The following LRP1B variants were observed in gnomAD, a reference collection of about 807,000 sequenced individuals.
LRP1B encodes the protein LDL receptor related protein 1B, also known as low-density lipoprotein receptor-related protein 1B.
In LRP1B, 217 loss-of-function variants were observed where a neutral mutation model predicts 556.6. That is an observed-to-expected ratio of 0.39 (90% CI 0.35 to 0.44). The LOEUF (loss-of-function observed/expected upper bound fraction) is 0.44. Among genes scored for constraint, LRP1B ranks in the 20% least tolerant of loss-of-function variants. The probability of loss-of-function intolerance (pLI) is 1.00; values close to 1 mark genes in which losing one functional copy is unlikely to be tolerated. For missense variants in LRP1B, 5,053 were observed against 5,620.8 expected, an observed-to-expected ratio of 0.90 and a Z score of 3.23; for synonymous variants, 2,047 against 1,865.8, an observed-to-expected ratio of 1.10 and a Z score of -2.50.
chr2:141,407,955 A>C (rs1032874439), intron 3 of LRP1B, among the ~76,000 whole-genome samples: 1 of 152,298 alleles, frequency 6.6e-6, no homozygotes, highest in South Asian at 2.1e-4. Flanking sequence ...AATTCAGAGT[A>C]ATGGCAGAAT....
intron 2 of LRP1B, among the ~76,000 whole-genome samples, chr2:141,599,520 G>A (rs1177848532): frequency 1.3e-5 from 2 of 151,998 alleles, no homozygotes; most frequent in African/African-American, 4.8e-5. Context: ...TAAAACTTTA[G>A]GGTAACCATG....
intron 2 of LRP1B, among the ~76,000 whole-genome samples, chr2:141,803,212 CG>C (rs1449969647): frequency 1.2e-4 from 17 of 137,828 alleles, no homozygotes; most frequent in East Asian, 2.5e-4. Context: ...TGCCTGCAAT[CG>C]ACCTTTTTTT....
chr2:141,023,994 C>T (rs965917930), intron 11 of LRP1B, among the ~76,000 whole-genome samples: 7 of 151,988 alleles, frequency 4.6e-5, no homozygotes, highest in African/African-American at 9.7e-5. Context: ...CTAAGGCCAG[C>T]GATGCCTTAC....
intron 1 of LRP1B, among the ~76,000 whole-genome samples, chr2:141,868,208 G>A: frequency 6.6e-6 from 1 of 152,092 alleles, no homozygotes; most frequent in Non-Finnish European, 1.5e-5. Context: ...GGAAATCTCT[G>A]AACGTTATTA....
intron 1 of LRP1B, among the ~76,000 whole-genome samples, chr2:142,050,997 G>A (rs948672022): frequency 1.3e-5 from 2 of 152,098 alleles, no homozygotes; most frequent in Admixed American, 1.3e-4. Context: ...TGTGAAGAAA[G>A]TATCAGCAAA....
At chr2:141,266,183 G>T (rs892004826) in intron 3 of LRP1B, among the ~76,000 whole-genome samples, 17 of 152,176 alleles carry the variant, frequency 1.1e-4, no homozygotes, top group Non-Finnish European at 4.4e-5. Context: ...AATTTGCCGG[G>T]GGTGATGGCA....
chr2:142,122,031 G>A (rs994820851), intron 1 of LRP1B, among the ~76,000 whole-genome samples: 4 of 152,066 alleles, frequency 2.6e-5, no homozygotes, highest in East Asian at 1.9e-4. Context: ...TACATGATAC[G>A]ATGTGTTTTC....
chr2:141,478,161 T>C (rs1175842946), intron 3 of LRP1B, among the ~76,000 whole-genome samples: 2 of 152,208 alleles, frequency 1.3e-5, no homozygotes, highest in Non-Finnish European at 2.9e-5. Context: ...TACTTTGTTT[T>C]TATTTGAATC....
At chr2:140,836,398 T>G (rs75694230) in intron 31 of LRP1B, among the ~76,000 whole-genome samples, 9,370 of 152,270 alleles carry the variant, frequency 0.062, 357 homozygotes, top group African/African-American at 0.1. Context: ...TTCCCAACCA[T>G]GTTGTCCCTG....
chr2:141,605,708 C>T (rs914039409), intron 2 of LRP1B, among the ~76,000 whole-genome samples: 1 of 152,194 alleles, frequency 6.6e-6, no homozygotes, highest in African/African-American at 2.4e-5. Context: ...GGAAAATACA[C>T]TTTCCATATG....
intron 3 of LRP1B, among the ~76,000 whole-genome samples, chr2:141,455,419 T>G (rs1322367981): frequency 6.6e-6 from 1 of 152,182 alleles, no homozygotes; most frequent in Non-Finnish European, 1.5e-5. Context: ...TTCTCAGTGT[T>G]CAGTTGAAGT....
chr2:140,327,483 T>C (rs1680550274), intron 79 of LRP1B, among the ~76,000 whole-genome samples: 1 of 152,042 alleles, frequency 6.6e-6, no homozygotes, highest in African/African-American at 2.4e-5. Flanking sequence ...GAAGATATGT[T>C]TTTGCATTTT....
At chr2:141,661,502 G>GA (rs1307102513) in intron 2 of LRP1B, among the ~76,000 whole-genome samples, 6 of 152,156 alleles carry the variant, frequency 3.9e-5, no homozygotes, top group African/African-American at 1.4e-4. Context: ...TGATGGACTT[G>GA]AAAAACACAA....
intron 32 of LRP1B, among the ~76,000 whole-genome samples, chr2:140,785,177 T>G (rs1689851600): frequency 6.6e-6 from 1 of 152,160 alleles, no homozygotes; most frequent in Admixed American, 6.6e-5. Context: ...CCAAATTATT[T>G]CCAATCTGGA....
At chr2:140,776,377 A>T in intron 32 of LRP1B, 139 bp from the exon 33 acceptor site, 1 of 517,756 alleles carries the variant, frequency 1.9e-6, no homozygotes, top group Non-Finnish European at 3.0e-6. Flanking sequence ...CAGTAAAATC[A>T]CTGTCACATT....
chr2:140,493,038 A>AAACC (rs1458138674), intron 56 of LRP1B, among the ~76,000 whole-genome samples: 1 of 152,186 alleles, frequency 6.6e-6, no homozygotes, highest in African/African-American at 2.4e-5. Flanking sequence ...CCTCTCTTAG[A>AAACC]AACCTACAGT....
intron 77 of LRP1B, among the ~76,000 whole-genome samples, chr2:140,344,154 A>G (rs1454111858): frequency 6.6e-6 from 1 of 151,848 alleles, no homozygotes; most frequent in Non-Finnish European, 1.5e-5. Flanking sequence ...AAATATTTGC[A>G]TGGTACAGAA....
At chr2:141,072,746 C>G (rs1699681788) in intron 7 of LRP1B, among the ~76,000 whole-genome samples, 2 of 152,058 alleles carry the variant, frequency 1.3e-5, no homozygotes, top group South Asian at 4.1e-4. Context: ...TCACATCTCT[C>G]AACTCCAGAA....
intron 1 of LRP1B, among the ~76,000 whole-genome samples, chr2:142,017,312 A>G (rs910244639): frequency 1.3e-5 from 2 of 152,164 alleles, no homozygotes; most frequent in African/African-American, 4.8e-5. Context: ...ATATTGAAAC[A>G]TGAATTGTGA....
Sources: gnomAD v4.1 joint callset for allele counts (sites outside exome capture counted in the v4.1 genomes callset) on GRCh38, gnomAD v4.1.1 for gene constraint, MANE v1.5 for transcripts, NCBI Gene and HGNC (gene_info 2026-07-23, HGNC 2026-07-21) for gene names.